The following PTPRN2 variants were observed in gnomAD, a reference collection of about 807,000 sequenced individuals.
The protein encoded by PTPRN2 is protein tyrosine phosphatase receptor type N2.
In PTPRN2, 74 loss-of-function variants were observed where a neutral mutation model predicts 118.8. The observed-to-expected ratio is 0.62, with a 90% CI of 0.52 to 0.76. The LOEUF (loss-of-function observed/expected upper bound fraction) is 0.76. Ranked by LOEUF, PTPRN2 falls within the 30% of genes least tolerant of loss-of-function variation. The pLI, the probability that PTPRN2 is intolerant of heterozygous loss-of-function variation, is 0.00. For missense variants in PTPRN2, 1,481 were observed against 1,394.4 expected (o/e 1.06, Z -0.99); for synonymous variants, 641 against 608.0 (o/e 1.05, Z -0.80).
At chr7:158,554,908 C>T (rs1212179245) in intron 1 of PTPRN2, among the ~76,000 whole-genome samples, 1 of 152,122 alleles carries the variant, frequency 6.6e-6, no homozygotes, top group African/African-American at 2.4e-5. Flanking sequence ...CACAGACAGC[C>T]GCCTCACCTC....
At chr7:157,711,956 T>C (rs1434061148) in intron 12 of PTPRN2, among the ~76,000 whole-genome samples, 1 of 95,202 alleles carries the variant, frequency 1.1e-5, no homozygotes, top group Non-Finnish European at 2.0e-5. Flanking sequence ...GGCTGCGTGG[T>C]GGAAGGGGGG....
At chr7:157,947,525 C>T (rs1173059716) in intron 11 of PTPRN2, among the ~76,000 whole-genome samples, 1 of 152,162 alleles carries the variant, frequency 6.6e-6, no homozygotes, top group Non-Finnish European at 1.5e-5. Context: ...TTTCAAAAAA[C>T]TGTGGCTGTG....
chr7:158,133,525 G>C, intron 9 of PTPRN2, 152 bp downstream of exon 9: 2 of 1,123,616 alleles, frequency 1.8e-6, no homozygotes, highest in Non-Finnish European at 2.4e-6. Flanking sequence ...TGCCCTCCGC[G>C]CCTGAGACTC....
chr7:157,851,829 T>C (rs1305153183), intron 12 of PTPRN2, among the ~76,000 whole-genome samples: 2 of 152,222 alleles, frequency 1.3e-5, no homozygotes, highest in African/African-American at 4.8e-5. Flanking sequence ...AACTTTCTTT[T>C]CTGTTTCTCT....
intron 12 of PTPRN2, among the ~76,000 whole-genome samples, chr7:157,745,456 AGGCAGGCTCAGGGACAG>A (rs1800869860): frequency 6.6e-6 from 1 of 151,686 alleles, no homozygotes; most frequent in Non-Finnish European, 1.5e-5. Context: ...AGGCTGTGGG[AGGCAGGCTCAGGGACAG>A]GGCAGGCTCA....
At chr7:157,981,153 C>G (rs188171258) in intron 11 of PTPRN2, among the ~76,000 whole-genome samples, 5 of 152,386 alleles carry the variant, frequency 3.3e-5, no homozygotes, top group Non-Finnish European at 7.3e-5. Flanking sequence ...GCCTTTTACC[C>G]TAAGAGTGAC....
rs141311833 is a variant in PTPRN2 at position 158,072,255 on chromosome 7, G to A, written c.1723+9043C>T. Among the ~76,000 whole-genome samples, 841 of 152,292 alleles carry A rather than the reference G, an allele frequency of 5.5e-3. 6 individuals are homozygous for A. Among genetic ancestry groups the A allele is most frequent in the Middle Eastern group, 0.017 (5 of 294 alleles). ...AAATACGTAGAATGCTGTCCTGGCC[G>A]ATAAGTCCGAGGCCTGATGGTGTGC... On this transcript the variant is annotated intron_variant, in intron 11 of 22. Transcript: ENST00000389418.
chr7:157,692,959 G>A (rs1005980792), intron 12 of PTPRN2, among the ~76,000 whole-genome samples: 1 of 152,034 alleles, frequency 6.6e-6, no homozygotes, highest in Admixed American at 6.5e-5. Flanking sequence ...GAGTGGTAGC[G>A]GTTCCTGTCC....
chr7:157,577,039 G>T (rs1404799148), intron 18 of PTPRN2, among the ~76,000 whole-genome samples: 1 of 152,186 alleles, frequency 6.6e-6, no homozygotes, highest in African/African-American at 2.4e-5. Flanking sequence ...TTTTTTAAAA[G>T]GTTACAATCC....
At chr7:158,040,504 A>C (rs1284901104) in intron 11 of PTPRN2, among the ~76,000 whole-genome samples, 1 of 152,144 alleles carries the variant, frequency 6.6e-6, no homozygotes, top group African/African-American at 2.4e-5. Flanking sequence ...GGGGGGAAAA[A>C]CCTTACCTTA....
chr7:158,357,079 G>A (rs1244358241), intron 2 of PTPRN2, among the ~76,000 whole-genome samples: 1 of 152,226 alleles, frequency 6.6e-6, no homozygotes, highest in African/African-American at 2.4e-5. Context: ...CTCCAATTCC[G>A]AAATTCCATG....
At chr7:158,164,349 C>G (rs1477734156) in intron 6 of PTPRN2, among the ~76,000 whole-genome samples, 4 of 143,080 alleles carry the variant, frequency 2.8e-5, no homozygotes, top group Admixed American at 6.9e-5. Flanking sequence ...AGGAGTGGCG[C>G]GTAAGAAGGG....
rs386418433 is a variant in PTPRN2 at position 157,771,785 on chromosome 7, A to ACT, written c.1789-88850_1789-88849dup. Among the ~76,000 whole-genome samples, 72 of 120,114 alleles carry ACT rather than the reference A, an allele frequency of 6.0e-4. 1 individual carries two copies. The highest frequency in any genetic ancestry group is 2.8e-3 in the African/African-American group (61 of 21,570). 78.8% of individuals were successfully genotyped at this position (120,114 alleles called of 152,430 possible). A position where few individuals can be genotyped will look rare whatever the true frequency, so the allele number is the denominator to read the frequency against. On this transcript the variant is annotated intron_variant, in intron 12 of 22. Transcript: ENST00000389418. ...GACACACATGCAGACACAGACACACACTCACAGACACAGACACAAACACAC... is the reference window on the plus strand; with the variant it reads ...GACACACATGCAGACACAGACACACACTCTCACAGACACAGACACAAACACAC...
At chr7:157,940,415 TTCTCACTGTTACAGAAA>T (rs1799975916) in intron 11 of PTPRN2, among the ~76,000 whole-genome samples, 1 of 152,150 alleles carries the variant, frequency 6.6e-6, no homozygotes, top group Non-Finnish European at 1.5e-5. Context: ...AGCCTAGAAA[TTCTCACTGTTACAGAAA>T]TCTAATGCCC....
chr7:158,281,561 T>C (rs1799424905), intron 3 of PTPRN2, among the ~76,000 whole-genome samples: 2 of 152,204 alleles, frequency 1.3e-5, no homozygotes, highest in African/African-American at 4.8e-5. Flanking sequence ...AGCACAGAGG[T>C]GCATGGAAAT....
At chr7:157,701,741 G>A (rs954214489) in intron 12 of PTPRN2, among the ~76,000 whole-genome samples, 8 of 152,254 alleles carry the variant, frequency 5.3e-5, no homozygotes, top group Non-Finnish European at 4.4e-5. Flanking sequence ...GCGTTTATAA[G>A]AGAGCCGGGT....
intron 12 of PTPRN2, among the ~76,000 whole-genome samples, chr7:157,850,099 G>A (rs1051867913): frequency 1.3e-5 from 2 of 152,198 alleles, no homozygotes; most frequent in Non-Finnish European, 2.9e-5. Context: ...AATCTTTTAT[G>A]GGAGGAAAAG....
At chr7:158,464,643 C>A (rs1177344277) in intron 2 of PTPRN2, among the ~76,000 whole-genome samples, 2 of 151,280 alleles carry the variant, frequency 1.3e-5, no homozygotes, top group African/African-American at 4.9e-5. Context: ...ACTTCATCGT[C>A]ACCATCATCA....
intron 11 of PTPRN2, among the ~76,000 whole-genome samples, chr7:158,024,389 C>T (rs1014431675): frequency 8.5e-5 from 13 of 152,288 alleles, no homozygotes; most frequent in Admixed American, 4.6e-4. Context: ...CTGAAATAAT[C>T]GCTCTGCAGC....
Sources: gnomAD v4.1 joint callset for allele counts (sites outside exome capture counted in the v4.1 genomes callset) on GRCh38, gnomAD v4.1.1 for gene constraint, MANE v1.5 for transcripts, NCBI Gene and HGNC (gene_info 2026-07-23, HGNC 2026-07-21) for gene names.